The following IMPG2 variants were observed in gnomAD, a reference collection of about 807,000 sequenced individuals.
IMPG2 encodes interphotoreceptor matrix proteoglycan 2.
A neutral mutation model predicts 129.2 loss-of-function variants in IMPG2; 91 were observed. The observed-to-expected ratio is 0.70, with a 90% CI of 0.59 to 0.84. The LOEUF is 0.84. Ranked by LOEUF, IMPG2 falls within the 40% of genes least tolerant of loss-of-function variation. The probability of loss-of-function intolerance (pLI) is 0.00; values close to 1 mark genes in which losing one functional copy is unlikely to be tolerated. For synonymous variants in IMPG2, 510 were observed against 517.7 expected (o/e 0.99, Z 0.20); for missense variants, 1,430 against 1,461.7 (o/e 0.98, Z 0.35).
chr3:101,307,206 C>A (rs1553686096), intron 2 of IMPG2, among the ~76,000 whole-genome samples: 1 of 152,142 alleles, frequency 6.6e-6, no homozygotes, highest in Non-Finnish European at 1.5e-5. Context: ...CCAAGAATGA[C>A]TGAAATTTTT....
chr3:101,231,419 T>C (rs1354162838), intron 15 of IMPG2, among the ~76,000 whole-genome samples: 1 of 152,220 alleles, frequency 6.6e-6, no homozygotes, highest in Non-Finnish European at 1.5e-5. Flanking sequence ...TTAACATCCT[T>C]ATTTATAGAT....
At chr3:101,302,931 C>T (rs1031322245) in intron 3 of IMPG2, among the ~76,000 whole-genome samples, 1 of 152,022 alleles carries the variant, frequency 6.6e-6, no homozygotes, top group South Asian at 2.1e-4. Context: ...CCAACGTCCC[C>T]CATTTAATAA....
chr3:101,295,123 C>T (rs999857791), intron 3 of IMPG2, among the ~76,000 whole-genome samples: 2 of 152,182 alleles, frequency 1.3e-5, no homozygotes, highest in African/African-American at 4.8e-5. Context: ...GCTGCTATTG[C>T]TTTTAGCATT....
At chr3:101,288,736 G>A (rs755843103) in intron 4 of IMPG2, among the ~76,000 whole-genome samples, 14 of 152,056 alleles carry the variant, frequency 9.2e-5, no homozygotes, top group Non-Finnish European at 1.9e-4. Context: ...ACTACATATT[G>A]GGTACTATGC....
In IMPG2 at chr3:101,319,729, T is replaced by C. The variant is rs76568201; in HGVS notation, c.189A>G (p.Lys63=). 9 of 1,613,708 alleles carry C rather than the reference T, an allele frequency of 5.6e-6. No individual in the cohort carries two copies. The South Asian group carries it at 8.8e-5, about 16-fold the overall frequency. ...CAGTTTCTCTGCGGTCCAGAGGCTG[T>C]TTCTTTTTGGTAGCTAGAGAAAGGT... ...STDLSLATKK[K]QPLDRRETER... is the part of the protein sequence containing the mutation. Residue 63 remains lysine (K), a synonymous_variant, in exon 2 of 19, where the codon AAA becomes AAG. Transcript: ENST00000193391.
At chr3:101,319,935 C>T (rs2058803386) in intron 1 of IMPG2, 103 bp from the exon 2 acceptor site, 2 of 1,242,976 alleles carry the variant, frequency 1.6e-6, no homozygotes, top group East Asian at 4.7e-5. Context: ...GATAGAGAAG[C>T]CAGTGCCCAA....
intron 4 of IMPG2, among the ~76,000 whole-genome samples, chr3:101,282,166 A>C (rs2107118777): frequency 6.6e-6 from 1 of 152,314 alleles, no homozygotes; most frequent in East Asian, 1.9e-4. Flanking sequence ...AAAGAGAATA[A>C]AATATTTGCT....
At chr3:101,267,585 A>C in intron 8 of IMPG2, 54 bp from the exon 9 acceptor site, 1 of 1,403,126 alleles carries the variant, frequency 7.1e-7, no homozygotes, top group Non-Finnish European at 1.0e-6. Context: ...TATTATTGTC[A>C]CATCATTCAT....
intron 3 of IMPG2, among the ~76,000 whole-genome samples, chr3:101,300,232 A>G (rs1293814146): frequency 1.3e-5 from 2 of 152,256 alleles, no homozygotes; most frequent in African/African-American, 4.8e-5. Context: ...CTTGGGAGCA[A>G]GCCGTCCAGC....
intron 10 of IMPG2, among the ~76,000 whole-genome samples, chr3:101,256,173 GAAAGAAA>G (rs1279090974): frequency 1.5e-5 from 2 of 134,710 alleles, no homozygotes; most frequent in African/African-American, 5.6e-5. Context: ...AAGAAAGAAA[GAAAGAAA>G]GAAAGAAAGA....
intron 14 of IMPG2, among the ~76,000 whole-genome samples, chr3:101,234,279 G>A (rs897235161): frequency 8.6e-5 from 13 of 151,462 alleles, no homozygotes; most frequent in African/African-American, 3.2e-4. Flanking sequence ...TGGAGACAAA[G>A]GCAGATATTA....
chr3:101,315,568 C>T (rs1262716070), intron 2 of IMPG2, among the ~76,000 whole-genome samples: 1 of 152,094 alleles, frequency 6.6e-6, no homozygotes. Flanking sequence ...TAACTGAATT[C>T]TGTGTATAGA....
intron 3 of IMPG2, among the ~76,000 whole-genome samples, chr3:101,303,304 T>G (rs1056498880): frequency 1.3e-5 from 2 of 152,218 alleles, no homozygotes; most frequent in Admixed American, 6.5e-5. Context: ...TTTTGACTCA[T>G]AGTCTAGAAG....
chr3:101,276,760 A>G (rs748921273), intron 4 of IMPG2, 47 bp from the exon 5 acceptor site: 1 of 1,452,460 alleles, frequency 6.9e-7, no homozygotes, highest in Non-Finnish European at 9.6e-7. Context: ...GACACATGAG[A>G]GTTTATTTTG....
rs931679589 is a variant in IMPG2 at position 101,275,540 on chromosome 3, C to T, written c.666+123G>A. 11 of 743,124 alleles carry T rather than the reference C, an allele frequency of 1.5e-5. No individual in the cohort carries two copies. The Admixed American group carries it at 2.2e-4, about 15-fold the overall frequency. The allele number at this position is 743,124 out of a possible 1,614,324, so 46.0% of individuals were successfully genotyped here. A position where few individuals can be genotyped will look rare whatever the true frequency, so the allele number is the denominator to read the frequency against. On this transcript the variant is annotated intron_variant, in intron 6 of 18. Coordinates refer to ENST00000193391, the MANE Select transcript of IMPG2 (RefSeq NM_016247.4). ...TTTTTAATGTACTGGTTTTAGGATC[C>T]ATGTCATTTTTCTAACAGGACACTA...
chr3:101,319,934 G>T, intron 1 of IMPG2, 102 bp from the exon 2 acceptor site: 1 of 1,240,894 alleles, frequency 8.1e-7, no homozygotes, highest in Non-Finnish European at 1.2e-6. Flanking sequence ...AGATAGAGAA[G>T]CCAGTGCCCA....
At chr3:101,242,619 G>A in intron 14 of IMPG2, 69 bp downstream of exon 14, 1 of 1,167,244 alleles carries the variant, frequency 8.6e-7, no homozygotes, top group Non-Finnish European at 1.3e-6. Flanking sequence ...TTAATGCAAT[G>A]AGGAAGAAAA....
At chr3:101,256,199 AAGAAAG>A (rs1156971164) in intron 10 of IMPG2, among the ~76,000 whole-genome samples, 2 of 151,246 alleles carry the variant, frequency 1.3e-5, no homozygotes, top group Admixed American at 6.6e-5. Context: ...GAAAGAAAGA[AAGAAAG>A]AAAGAAAGAA....
intron 3 of IMPG2, among the ~76,000 whole-genome samples, chr3:101,291,932 T>C (rs1443213985): frequency 1.3e-5 from 2 of 152,234 alleles, no homozygotes; most frequent in African/African-American, 4.8e-5. Context: ...GATGTTTGTT[T>C]CTACAGAATT....
Sources: gnomAD v4.1 joint callset for allele counts (sites outside exome capture counted in the v4.1 genomes callset) on GRCh38, gnomAD v4.1.1 for gene constraint, MANE v1.5 for transcripts, NCBI Gene and HGNC (gene_info 2026-07-23, HGNC 2026-07-21) for gene names.